CFAP161: variants seen among roughly 807,000 people sequenced by gnomAD.
CFAP161 encodes cilia and flagella associated protein 161.
Under a neutral mutation model 29.0 loss-of-function variants are expected in CFAP161, and 25 were observed. The ratio of observed to expected loss-of-function variants is 0.86; its 90% CI spans 0.63 to 1.20. CFAP161 has a LOEUF of 1.20. Among genes scored for constraint, CFAP161 ranks in the 50% most tolerant of loss-of-function variants. The pLI is 0.00. For missense variants in CFAP161, 367 were observed against 371.9 expected (o/e 0.99, Z 0.11); for synonymous variants, 116 against 137.4 (o/e 0.84, Z 1.09).
intron 1 of CFAP161, among the ~76,000 whole-genome samples, chr15:81,110,824 C>T (rs756342504): frequency 3.9e-5 from 6 of 152,132 alleles, no homozygotes; most frequent in South Asian, 2.1e-4. Context: ...TTCCTGGGGA[C>T]GAATGCTGGG....
chr15:81,134,241 C>T, upstream of CFAP161: 5 of 1,474,068 alleles, frequency 3.4e-6, no homozygotes, highest in Non-Finnish European at 4.6e-6. Flanking sequence ...CAGACCTTGA[C>T]CAATCGCCTG....
At chr15:81,146,705 T>C (rs1378998079) in intron 5 of CFAP161, among the ~76,000 whole-genome samples, 6 of 151,260 alleles carry the variant, frequency 4.0e-5, no homozygotes, top group African/African-American at 1.5e-4. Flanking sequence ...ATTTTGTCAT[T>C]GTGTGGACAT....
chr15:81,113,590 G>A (rs986253012), intron 1 of CFAP161, among the ~76,000 whole-genome samples: 1 of 152,256 alleles, frequency 6.6e-6, no homozygotes, highest in Non-Finnish European at 1.5e-5. Flanking sequence ...TGCGTTTACT[G>A]ATTTATTACA....
chr15:81,147,964 G>A, intron 6 of CFAP161, 33 bp downstream of exon 6: 1 of 1,539,234 alleles, frequency 6.5e-7, no homozygotes, highest in Non-Finnish European at 8.9e-7. Flanking sequence ...AAAATGCTGT[G>A]ATTGGGGCTG....
At position 81,135,325 on chromosome 15, in the gene CFAP161, G is replaced by A. The variant is rs746145492; in HGVS notation, c.125G>A (p.Arg42Lys). 2.5e-6 allele frequency: 4 copies of A among 1,598,540 alleles called. No individual in the cohort carries two copies. The highest frequency in any genetic ancestry group is 2.2e-5 in the East Asian group (1 of 44,746). ...KRDKGKLLIQ[R>K]SRRLKQNLLR... ...GACAAGGGGAAACTTCTCATACAGAGAAGTAGAAGACTAAAACAGAATCTC... is the reference window on the plus strand; with the variant it reads ...GACAAGGGGAAACTTCTCATACAGAAAAGTAGAAGACTAAAACAGAATCTC... The change falls in exon 2 of 7, where the codon AGA becomes AAA. Residue 42 changes from arginine to lysine, a missense_variant. Transcript: ENST00000286732.
intron 1 of CFAP161, among the ~76,000 whole-genome samples, chr15:81,120,102 A>G (rs1894553187): frequency 6.6e-6 from 1 of 152,170 alleles, no homozygotes; most frequent in Non-Finnish European, 1.5e-5. Context: ...TAAAAAATAT[A>G]TATTTTTAAG....
rs565054670 is a variant in CFAP161, at chr15:81,134,986, G to A, written c.70-284G>A. Among the ~76,000 whole-genome samples the A allele has an allele frequency of 4.6e-5, 7 of 152,324 alleles. No homozygotes were observed. In the South Asian group the frequency reaches 1.4e-3, roughly 32 times the overall value. ...CATACGGTCAAGGGAAACCCCAGCA[G>A]GGGAGACATGGCCTCCAAATGTCAT... On this transcript the variant is annotated intron_variant, in intron 1 of 6. Transcript: ENST00000286732.
At chr15:81,120,274 A>G (rs1894555482) in intron 1 of CFAP161, among the ~76,000 whole-genome samples, 1 of 152,166 alleles carries the variant, frequency 6.6e-6, no homozygotes, top group African/African-American at 2.4e-5. Context: ...AAACAAGAAA[A>G]CTAATACCTT....
chr15:81,122,720 G>T (rs989772696), intron 1 of CFAP161, among the ~76,000 whole-genome samples: 2 of 151,914 alleles, frequency 1.3e-5, no homozygotes, highest in African/African-American at 4.8e-5. Flanking sequence ...TCAAACTCCT[G>T]ACCTCAAGGA....
intron 4 of CFAP161, among the ~76,000 whole-genome samples, chr15:81,142,513 TC>T (rs982491018): frequency 6.6e-6 from 1 of 151,976 alleles, no homozygotes; most frequent in African/African-American, 2.4e-5. Context: ...CCTCTTTTGA[TC>T]CCCCAGGAAA....
chr15:81,122,781 C>T (rs541846388), intron 1 of CFAP161, among the ~76,000 whole-genome samples: 5 of 152,138 alleles, frequency 3.3e-5, no homozygotes, highest in Non-Finnish European at 5.9e-5. Context: ...TATGAGCCAC[C>T]GTGCCTGGCC....
chr15:81,109,081 C>G (rs1894410082), intron 1 of CFAP161, among the ~76,000 whole-genome samples: 1 of 152,082 alleles, frequency 6.6e-6, no homozygotes, highest in African/African-American at 2.4e-5. Context: ...TCCAGTGAAG[C>G]TCTCCTGGGT....
chr15:81,123,207 A>AT (rs1263528699), intron 1 of CFAP161, among the ~76,000 whole-genome samples: 2 of 152,112 alleles, frequency 1.3e-5, no homozygotes, highest in Non-Finnish European at 2.9e-5. Flanking sequence ...TCTTGAGTTA[A>AT]TTTTTGTATA....
intron 2 of CFAP161, among the ~76,000 whole-genome samples, chr15:81,128,354 A>G (rs904470573): frequency 1.3e-5 from 2 of 152,210 alleles, no homozygotes; most frequent in African/African-American, 4.8e-5. Flanking sequence ...GCCTTATCAA[A>G]TAAGTTTATG....
chr15:81,132,356 A>G (rs1179272660), upstream of CFAP161, among the ~76,000 whole-genome samples: 2 of 152,212 alleles, frequency 1.3e-5, no homozygotes, highest in African/African-American at 2.4e-5. Context: ...AAACGCTATC[A>G]ACAAAGAATC....
At chr15:81,133,221 ATATGTATT>A (rs1352870456), upstream of CFAP161, among the ~76,000 whole-genome samples, 594 of 32,468 alleles carry the variant, frequency 0.018, 37 homozygotes, top group Non-Finnish European at 0.034. Context: ...ATATATATAT[ATATGTATT>A]TTTTTTTAAA....
intron 5 of CFAP161, 32 bp downstream of exon 5, chr15:81,143,852 T>C: frequency 6.3e-7 from 1 of 1,595,692 alleles, no homozygotes. Flanking sequence ...CATGGGTGTC[T>C]AGGCTATGAA....
At chr15:81,142,870 G>C (rs1167542233) in intron 4 of CFAP161, among the ~76,000 whole-genome samples, 1 of 152,184 alleles carries the variant, frequency 6.6e-6, no homozygotes, top group Non-Finnish European at 1.5e-5. Flanking sequence ...CCAGATAGCC[G>C]ACATAAATTT....
chr15:81,105,127 TTCTCC>T (rs1567149835), intron 1 of CFAP161, among the ~76,000 whole-genome samples: 2 of 27,242 alleles, frequency 7.3e-5, no homozygotes, highest in African/African-American at 1.8e-4. Context: ...CCCCATACCT[TTCTCC>T]CCCCTCCCCT....
Sources: gnomAD v4.1 joint callset for allele counts (sites outside exome capture counted in the v4.1 genomes callset) on GRCh38, gnomAD v4.1.1 for gene constraint, MANE v1.5 for transcripts, NCBI Gene and HGNC (gene_info 2026-07-23, HGNC 2026-07-21) for gene names.